ZNF827: variants seen among roughly 807,000 people sequenced by gnomAD.
ZNF827 encodes zinc finger protein 827.
A neutral mutation model predicts 102.4 loss-of-function variants in ZNF827; 13 were observed. That is an observed-to-expected ratio of 0.13 (90% CI 0.08 to 0.20). The LOEUF (loss-of-function observed/expected upper bound fraction) is 0.20. Among genes scored for constraint, ZNF827 ranks in the 10% least tolerant of loss-of-function variants. ZNF827 has a pLI of 1.00. For synonymous variants in ZNF827, 523 were observed against 536.2 expected (o/e 0.98, Z 0.34); for missense variants, 1,103 against 1,344.4 (o/e 0.82, Z 2.81).
rs1402471934 is a variant in ZNF827 at position 145,903,009 on chromosome 4, C to T, written c.250G>A (p.Val84Met). The part of the protein sequence containing the change: ...TTPSSHTLEL[V>M]ALDSEVLRDS... ...CGCAGGACCTCACTGTCCAGTGCCACCAGCTCCAACGTGTGGCTGCTGGGA... is the reference window on the plus strand; with the variant it reads ...CGCAGGACCTCACTGTCCAGTGCCATCAGCTCCAACGTGTGGCTGCTGGGA... The change falls in exon 2 of 15, where the codon GTG (valine) becomes ATG (methionine). Residue 84 changes from valine (V) to methionine (M), a missense_variant. Val to Met is a conservative substitution (Grantham distance 21). This residue lies in a region of ZNF827 where 441 missense variants were observed against 458.6 expected (regional missense o/e 0.96). Coordinates refer to ENST00000508784, the MANE Select transcript of ZNF827 (RefSeq NM_001306215.2). 3 of 1,614,196 alleles carry T rather than the reference C, an allele frequency of 1.9e-6. No homozygotes were observed. The highest frequency in any genetic ancestry group is 2.5e-6 in the Non-Finnish European group (3 of 1,180,038).
intron 7 of ZNF827, among the ~76,000 whole-genome samples, chr4:145,837,095 C>G (rs1744921077): frequency 2.0e-5 from 3 of 151,530 alleles, no homozygotes; most frequent in Admixed American, 2.0e-4. Flanking sequence ...CATTTCTTCC[C>G]TTCTGTCAGA....
At chr4:145,853,503 C>T (rs969107704) in intron 5 of ZNF827, among the ~76,000 whole-genome samples, 6 of 152,062 alleles carry the variant, frequency 3.9e-5, no homozygotes, top group Non-Finnish European at 7.4e-5. Flanking sequence ...TCTATTGAGC[C>T]AGGGAGTTCA....
intron 6 of ZNF827, among the ~76,000 whole-genome samples, chr4:145,848,099 C>T (rs969972837): frequency 2.6e-5 from 4 of 152,186 alleles, no homozygotes; most frequent in East Asian, 1.9e-4. Flanking sequence ...AAAAGAACCA[C>T]GCAGGTCACA....
intron 4 of ZNF827, among the ~76,000 whole-genome samples, chr4:145,884,495 T>C (rs1749940931): frequency 6.6e-6 from 1 of 152,214 alleles, no homozygotes; most frequent in African/African-American, 2.4e-5. Context: ...GAAATCATCG[T>C]GGGGACTTCC....
chr4:145,853,968 C>G (rs759173355), intron 5 of ZNF827, among the ~76,000 whole-genome samples: 6 of 150,754 alleles, frequency 4.0e-5, no homozygotes, highest in Non-Finnish European at 7.4e-5. Flanking sequence ...AAAAAAAAGT[C>G]TCAATTAAAA....
chr4:145,858,038 T>A (rs1747324962), intron 5 of ZNF827, among the ~76,000 whole-genome samples: 1 of 152,214 alleles, frequency 6.6e-6, no homozygotes, highest in Admixed American at 6.5e-5. Flanking sequence ...CTTTGCCATT[T>A]AATAAATCTA....
intron 1 of ZNF827, among the ~76,000 whole-genome samples, chr4:145,926,040 G>C (rs1753395309): frequency 6.6e-6 from 1 of 152,164 alleles, no homozygotes. Flanking sequence ...TTTTCAAGCT[G>C]AATTTTAATT....
In ZNF827 at chr4:145,802,635, T is replaced by C. The variant is rs528506035; in HGVS notation, c.2383+20787A>G. ...ACCCGCCAGCCGATTATAAAATTGA[T>C]TTAGTGGATCTCAACCAACATTTTT... is the stretch of plus-strand genomic sequence containing the variant. On this transcript the variant is annotated intron_variant, in intron 8 of 14. Transcript: ENST00000508784. Among the ~76,000 whole-genome samples, 11 of 152,324 alleles carry C rather than the reference T, an allele frequency of 7.2e-5. No homozygotes were observed. The South Asian group carries it at 2.3e-3, about 32-fold the overall frequency.
chr4:145,901,266 T>C (rs1288167127), intron 2 of ZNF827, among the ~76,000 whole-genome samples: 1 of 152,182 alleles, frequency 6.6e-6, no homozygotes, highest in Non-Finnish European at 1.5e-5. Context: ...TGGCAGGATA[T>C]CCTTAAGAGA....
At chr4:145,810,685 C>A (rs138733523) in intron 8 of ZNF827, among the ~76,000 whole-genome samples, 1 of 152,208 alleles carries the variant, frequency 6.6e-6, no homozygotes, top group Non-Finnish European at 1.5e-5. Context: ...CCAGTGTTTC[C>A]TTTTTTTATC....
chr4:145,843,065 T>C (rs563683887), intron 7 of ZNF827, among the ~76,000 whole-genome samples: 1 of 152,086 alleles, frequency 6.6e-6, no homozygotes, highest in Non-Finnish European at 1.5e-5. Context: ...GAAAGAAAAT[T>C]GGCATTTTTT....
In ZNF827 at chr4:145,807,035, T is replaced by C. The variant is rs115496845; in HGVS notation, c.2383+16387A>G. Among the ~76,000 whole-genome samples the C allele has an allele frequency of 2.0e-3, 307 of 152,356 alleles. 1 individual carries two copies. Among genetic ancestry groups the C allele is most frequent in the African/African-American group, 7.0e-3 (292 of 41,584 alleles). On this transcript the variant is annotated intron_variant, in intron 8 of 14. Coordinates refer to ENST00000508784, the MANE Select transcript of ZNF827 (RefSeq NM_001306215.2). The stretch of plus-strand genomic sequence containing the variant: ...GTGAACCTCCAAATGGAAATGACTG[T>C]GATCATAGTCGTATTTCATACAAGG...
chr4:145,802,383 C>T (rs909541575), intron 8 of ZNF827, among the ~76,000 whole-genome samples: 2 of 152,172 alleles, frequency 1.3e-5, no homozygotes, highest in African/African-American at 4.8e-5. Flanking sequence ...GGCACAACTT[C>T]AAAGGTCTAG....
At chr4:145,867,993 A>G (rs1748352459) in intron 5 of ZNF827, among the ~76,000 whole-genome samples, 1 of 152,246 alleles carries the variant, frequency 6.6e-6, no homozygotes, top group African/African-American at 2.4e-5. Context: ...ATTTGAGGAA[A>G]GAACACACAA....
At chr4:145,816,402 T>C (rs1742598349) in intron 8 of ZNF827, among the ~76,000 whole-genome samples, 1 of 152,222 alleles carries the variant, frequency 6.6e-6, no homozygotes, top group Non-Finnish European at 1.5e-5. Flanking sequence ...ATTTCTCCTT[T>C]AGAAAGGTTA....
intron 1 of ZNF827, among the ~76,000 whole-genome samples, chr4:145,910,729 GAACCTCAAGGCAT>G (rs1752223125): frequency 6.6e-6 from 1 of 152,124 alleles, no homozygotes; most frequent in Non-Finnish European, 1.5e-5. Flanking sequence ...ACTCTTACCT[GAACCTCAAGGCAT>G]CCCTAATCAT....
At chr4:145,800,201 T>C (rs912606335) in intron 8 of ZNF827, among the ~76,000 whole-genome samples, 1 of 152,194 alleles carries the variant, frequency 6.6e-6, no homozygotes, top group African/African-American at 2.4e-5. Flanking sequence ...TACAATGAAA[T>C]TGCATGTCAC....
chr4:145,787,875 G>A (rs1405429223), intron 8 of ZNF827, among the ~76,000 whole-genome samples: 1 of 152,078 alleles, frequency 6.6e-6, no homozygotes, highest in Admixed American at 6.5e-5. Context: ...CCCACATCTT[G>A]CACAGGGTCA....
chr4:145,860,937 G>T (rs1471818750), intron 5 of ZNF827, among the ~76,000 whole-genome samples: 1 of 152,202 alleles, frequency 6.6e-6, no homozygotes, highest in Non-Finnish European at 1.5e-5. Flanking sequence ...CCAATGGAAA[G>T]GGTCCATCAC....
Sources: allele counts gnomAD v4.1 joint callset (sites outside exome capture counted in the v4.1 genomes callset), GRCh38; gene constraint gnomAD v4.1.1; regional missense constraint gnomAD v4.1.1; transcripts MANE v1.5; gene names NCBI Gene and HGNC (gene_info 2026-07-23, HGNC 2026-07-21).